The following THUMPD2 variants were observed in gnomAD, a reference collection of about 807,000 sequenced individuals.
The protein encoded by THUMPD2 is THUMP domain 2 tRNA and snRNA guanosine methyltransferase, also known as U6 snRNA (guanine-N(2))-methyltransferase THUMPD2.
In THUMPD2, 56 loss-of-function variants were observed where a neutral mutation model predicts 49.4. The ratio of observed to expected loss-of-function variants is 1.13; its 90% CI spans 0.91 to 1.41. THUMPD2 has a LOEUF of 1.41. Ranked by LOEUF, THUMPD2 falls within the 40% of genes most tolerant of loss-of-function variation. The probability of loss-of-function intolerance (pLI) is 0.00; values close to 1 mark genes in which losing one functional copy is unlikely to be tolerated. For synonymous variants in THUMPD2, 237 were observed against 205.2 expected (o/e 1.15, Z -1.32); for missense variants, 709 against 594.5 (o/e 1.19, Z -2.00).
chr2:39,745,532 T>C (rs551344682), intron 8 of THUMPD2, among the ~76,000 whole-genome samples: 8 of 152,346 alleles, frequency 5.3e-5, no homozygotes, highest in Admixed American at 3.9e-4. Flanking sequence ...AGACAATAAA[T>C]AGACAACGAA....
intron 8 of THUMPD2, among the ~76,000 whole-genome samples, chr2:39,746,817 A>G (rs1202015513): frequency 1.3e-5 from 2 of 152,164 alleles, no homozygotes; most frequent in East Asian, 1.9e-4. Context: ...TATTTAAACT[A>G]AAGACCAGGT....
At position 39,768,501 on chromosome 2, in the gene THUMPD2, C is replaced by T. The variant is rs1558532023; in HGVS notation, c.673G>A (p.Glu225Lys). ...GCAATTCCAATTACTTTTCCTACCT[C>T]CTGGAAAAGTACCAAGTTAAAGAAA... ...GTIGKAFTAQ[E>K]VGKVIGIAIM... Residue 225 changes from glutamate (E) to lysine (K), a missense_variant and splice_region_variant, in exon 4 of 10, where the codon GAG becomes AAG. By Grantham distance (56) the Glu-to-Lys change is moderately conservative. Coordinates refer to ENST00000505747, the MANE Select transcript of THUMPD2 (RefSeq NM_025264.5). 3.1e-6 allele frequency: 5 copies of T among 1,608,740 alleles called. No individual in the cohort carries two copies. Among genetic ancestry groups the T allele is most frequent in the East Asian group, 2.2e-5 (1 of 44,760 alleles).
chr2:39,767,117 G>A (rs913340243), intron 4 of THUMPD2, among the ~76,000 whole-genome samples: 8 of 152,114 alleles, frequency 5.3e-5, no homozygotes, highest in African/African-American at 1.4e-4. Context: ...ATTTTACTAC[G>A]TGTGATTTTT....
chr2:39,773,154 C>T lies in THUMPD2; in HGVS notation c.127-1514G>A, dbSNP rs899444079. ...TTTCTCATTACATAGGTGACATTTT[C>T]CCAAAACTAAAGTATATACTTCAAA... On this transcript the variant is annotated intron_variant, in intron 1 of 9. Coordinates refer to ENST00000505747, the MANE Select transcript of THUMPD2 (RefSeq NM_025264.5). Among the ~76,000 whole-genome samples, 4 of 151,984 alleles carry T rather than the reference C, an allele frequency of 2.6e-5. No homozygotes were observed. The South Asian group carries it at 8.3e-4, about 32-fold the overall frequency.
Position 39,769,849 on chromosome 2 carries a change from G to C in THUMPD2, c.533C>G (p.Thr178Ser), listed in dbSNP as rs931941135. The change falls in exon 3 of 10, where the codon ACC (threonine) becomes AGC (serine). Residue 178 changes from threonine to serine, a missense_variant. Coordinates refer to ENST00000505747, the MANE Select transcript of THUMPD2 (RefSeq NM_025264.5). ...TTCTTGAAACTTTTCGCTTTTAGTG[G>C]TAAAATCTCTTTGCTCCAGAGTTTC... ...KEETLEQRDF[T>S]TKSEKFQEEE... 6.2e-7 allele frequency: 1 copy of C among 1,611,952 alleles called. No individual in the cohort carries two copies.
At chr2:39,762,119 G>A (rs908898970) in intron 5 of THUMPD2, among the ~76,000 whole-genome samples, 3 of 152,112 alleles carry the variant, frequency 2.0e-5, no homozygotes, top group Non-Finnish European at 4.4e-5. Flanking sequence ...CAATGAACAA[G>A]CAGAATCTCC....
chr2:39,771,773 G>T, intron 1 of THUMPD2, 133 bp from the exon 2 acceptor site: 1 of 915,856 alleles, frequency 1.1e-6, no homozygotes, highest in Non-Finnish European at 1.6e-6. Flanking sequence ...GTCAGGCTCT[G>T]TACTAGGAAC....
chr2:39,766,941 CTATT>C (rs1377494475), intron 4 of THUMPD2, among the ~76,000 whole-genome samples: 6 of 152,122 alleles, frequency 3.9e-5, no homozygotes, highest in South Asian at 2.1e-4. Context: ...TTTAGCAAAA[CTATT>C]TATTAGAATT....
At chr2:39,760,202 G>T (rs1676635544) in intron 6 of THUMPD2, among the ~76,000 whole-genome samples, 1 of 152,132 alleles carries the variant, frequency 6.6e-6, no homozygotes, top group African/African-American at 2.4e-5. Flanking sequence ...ATGTTCAAAG[G>T]TCTCACTGTA....
chr2:39,775,761 A>C (rs1301577414), intron 1 of THUMPD2, among the ~76,000 whole-genome samples: 1 of 30,886 alleles, frequency 3.2e-5, no homozygotes, highest in South Asian at 1.1e-3. Flanking sequence ...ACACTATGTC[A>C]AAAAAAAAAA....
At position 39,771,523 on chromosome 2, in the gene THUMPD2, T is replaced by G. The variant is rs772338237; in HGVS notation, c.244A>C (p.Ile82Leu). 2.5e-6 allele frequency: 4 copies of G among 1,602,328 alleles called. No individual in the cohort carries two copies. Among genetic ancestry groups the G allele is most frequent in the Non-Finnish European group, 3.4e-6 (4 of 1,176,976 alleles). ...LLIKKQFPLI[I>L]SSVSKGKIFN... Reference sequence around the variant, plus strand: ...GCCATACCTTTACTTACAGAAGAAATAATAAGTGGAAACTGCTTTTTAATC... The same window carrying G: ...GCCATACCTTTACTTACAGAAGAAAGAATAAGTGGAAACTGCTTTTTAATC... The change falls in exon 2 of 10, where the codon ATT (isoleucine) becomes CTT (leucine). Residue 82 changes from isoleucine to leucine, a missense_variant. Coordinates refer to ENST00000505747, the MANE Select transcript of THUMPD2 (RefSeq NM_025264.5).
intron 9 of THUMPD2, among the ~76,000 whole-genome samples, chr2:39,742,359 T>TAAGTA (rs1186377340): frequency 2.0e-5 from 3 of 152,180 alleles, no homozygotes; most frequent in Non-Finnish European, 4.4e-5. Flanking sequence ...TCCTGATTCT[T>TAAGTA]AAGTATTTAA....
chr2:39,769,110 C>A, intron 3 of THUMPD2: 1 of 1,303,022 alleles, frequency 7.7e-7, no homozygotes. Flanking sequence ...AGAGTAGCCA[C>A]TGAATAAGCA....
intron 5 of THUMPD2, among the ~76,000 whole-genome samples, chr2:39,763,665 C>T (rs898716623): frequency 4.3e-4 from 66 of 151,928 alleles, no homozygotes; most frequent in African/African-American, 1.6e-3. Context: ...TTTTTATTTC[C>T]CTTTCATTTA....
At position 39,770,156 on chromosome 2, in the gene THUMPD2, C is replaced by A. The variant is rs749733888; in HGVS notation, c.263-37G>T. ...AAATCTTGTTGATCCTCTATTGAAGCTTTAAAGACCATCTATTACAATCAT... is the reference window on the plus strand; with the variant it reads ...AAATCTTGTTGATCCTCTATTGAAGATTTAAAGACCATCTATTACAATCAT... On this transcript the variant is annotated intron_variant, in intron 2 of 9. Coordinates refer to ENST00000505747, the MANE Select transcript of THUMPD2 (RefSeq NM_025264.5). 8.8e-6 allele frequency: 12 copies of A among 1,369,406 alleles called. No individual in the cohort carries two copies. In the East Asian group the frequency reaches 3.1e-4, roughly 36 times the overall value. The allele number at this position is 1,369,406 out of a possible 1,614,324, so 84.8% of individuals were successfully genotyped here. A position where few individuals can be genotyped will look rare whatever the true frequency, so the allele number is the denominator to read the frequency against.
At chr2:39,776,051 C>G (rs566445467) in intron 1 of THUMPD2, among the ~76,000 whole-genome samples, 3 of 152,090 alleles carry the variant, frequency 2.0e-5, no homozygotes, top group Non-Finnish European at 2.9e-5. Flanking sequence ...GATATCTCTA[C>G]AACATTCAAT....
At chr2:39,756,537 G>C (rs1329876475) in intron 6 of THUMPD2, among the ~76,000 whole-genome samples, 1 of 151,996 alleles carries the variant, frequency 6.6e-6, no homozygotes, top group Admixed American at 6.6e-5. Context: ...TACAAGCTGT[G>C]AAGGAGGGAT....
In THUMPD2 at chr2:39,755,414, G is replaced by A. The variant is rs947781346; in HGVS notation, c.964-5C>T. On this transcript the variant is annotated splice_region_variant and splice_polypyrimidine_tract_variant and intron_variant, in intron 7 of 9. Coordinates refer to ENST00000505747, the MANE Select transcript of THUMPD2 (RefSeq NM_025264.5). The stretch of plus-strand genomic sequence containing the variant: ...AGCACCTACATAATACACATCCTAT[G>A]GGGAAATAAATATTTTAAGCATAAA... 4.0e-5 allele frequency: 61 copies of A among 1,517,066 alleles called. No individual in the cohort carries two copies. Among genetic ancestry groups the A allele is most frequent in the Non-Finnish European group, 5.4e-5 (61 of 1,121,252 alleles). The allele number at this position is 1,517,066 out of a possible 1,614,324, so 94.0% of individuals were successfully genotyped here.
In THUMPD2 at chr2:39,754,134, T is replaced by C. The variant is rs148940304; in HGVS notation, c.1078+1161A>G. Among the ~76,000 whole-genome samples the C allele has an allele frequency of 5.4e-3, 826 of 152,278 alleles. 6 individuals are homozygous for C. Among genetic ancestry groups the C allele is most frequent in the African/African-American group, 0.019 (784 of 41,550 alleles). ...AGGTGCTTTGGAGAATGTAAAGGGA[T>C]TGAAAACTCACTGCTCTGGAACAAT... On this transcript the variant is annotated intron_variant, in intron 8 of 9. Transcript: ENST00000505747.
Sources: allele counts gnomAD v4.1 joint callset (sites outside exome capture counted in the v4.1 genomes callset), GRCh38; gene constraint gnomAD v4.1.1; transcripts MANE v1.5; gene names NCBI Gene and HGNC (gene_info 2026-07-23, HGNC 2026-07-21).